Variants in NTNG1 observed in about 807,000 individuals in gnomAD.
NTNG1 encodes the protein netrin G1.
In NTNG1, 16 loss-of-function variants were observed where a neutral mutation model predicts 54.0. The observed-to-expected ratio is 0.30, with a 90% CI of 0.20 to 0.45. The LOEUF is 0.45. Ranked by LOEUF, NTNG1 falls within the 20% of genes least tolerant of loss-of-function variation. The pLI, the probability that NTNG1 is intolerant of heterozygous loss-of-function variation, is 1.00. For missense variants in NTNG1, 530 were observed against 678.7 expected, an observed-to-expected ratio of 0.78 and a Z score of 2.43; for synonymous variants, 255 against 263.1, an observed-to-expected ratio of 0.97 and a Z score of 0.30.
chr1:107,276,768 A>G (rs1054093790), intron 2 of NTNG1, among the ~76,000 whole-genome samples: 1 of 152,130 alleles, frequency 6.6e-6, no homozygotes, highest in Non-Finnish European at 1.5e-5. Context: ...AAGATTATTA[A>G]CAATGATATT....
chr1:107,150,320 C>T (rs955534005), intron 2 of NTNG1, among the ~76,000 whole-genome samples: 2 of 152,110 alleles, frequency 1.3e-5, no homozygotes, highest in Non-Finnish European at 2.9e-5. Flanking sequence ...TAAATCAGTA[C>T]AGGAGCAGAG....
chr1:107,316,865 G>A (rs908415384), intron 2 of NTNG1, among the ~76,000 whole-genome samples: 7 of 152,142 alleles, frequency 4.6e-5, no homozygotes, highest in African/African-American at 1.7e-4. Flanking sequence ...CCAATAAATA[G>A]CTAACGAATT....
At chr1:107,240,729 G>C (rs960199854) in intron 2 of NTNG1, among the ~76,000 whole-genome samples, 10 of 152,186 alleles carry the variant, frequency 6.6e-5, no homozygotes, top group Admixed American at 5.9e-4. Flanking sequence ...GTGAAAAAAG[G>C]TGAACAAACT....
intron 7 of NTNG1, among the ~76,000 whole-genome samples, chr1:107,470,930 C>T (rs1056958111): frequency 5.3e-5 from 8 of 152,078 alleles, no homozygotes; most frequent in East Asian, 1.9e-4. Flanking sequence ...GTTGCAAAGG[C>T]CAAAAATTTT....
chr1:107,431,640 C>G (rs1675274221), intron 6 of NTNG1, among the ~76,000 whole-genome samples: 1 of 152,140 alleles, frequency 6.6e-6, no homozygotes, highest in South Asian at 2.1e-4. Context: ...CTTTCCCACC[C>G]AGAAAATCTC....
At chr1:107,219,431 T>A (rs1660196224) in intron 2 of NTNG1, among the ~76,000 whole-genome samples, 1 of 152,216 alleles carries the variant, frequency 6.6e-6, no homozygotes, top group Admixed American at 6.5e-5. Flanking sequence ...AGAGATTTCG[T>A]CGTGATTTGG....
At chr1:107,187,281 G>GTA (rs1657535269) in intron 2 of NTNG1, among the ~76,000 whole-genome samples, 1 of 151,956 alleles carries the variant, frequency 6.6e-6, no homozygotes, top group Non-Finnish European at 1.5e-5. Flanking sequence ...GCAGTACTTG[G>GTA]CACATAGTAG....
At chr1:107,216,916 A>G (rs992181647) in intron 2 of NTNG1, among the ~76,000 whole-genome samples, 1 of 152,020 alleles carries the variant, frequency 6.6e-6, no homozygotes, top group African/African-American at 2.4e-5. Flanking sequence ...TGACCTCATG[A>G]TCCACCCTCC....
At chr1:107,480,569 T>TGCCCC in intron 7 of NTNG1, 42 bp from the exon 8 acceptor site, 61 of 609,566 alleles carry the variant, frequency 1.0e-4, no homozygotes, top group East Asian at 2.2e-4. Flanking sequence ...CTGCTTCTCC[T>TGCCCC]CCCCGCGCCC....
chr1:107,337,780 A>G (rs1668672941), intron 3 of NTNG1, among the ~76,000 whole-genome samples: 1 of 151,952 alleles, frequency 6.6e-6, no homozygotes. Flanking sequence ...CTTGGTTTTG[A>G]GATGGAGGAA....
In NTNG1 at chr1:107,148,598, A is replaced by G. The variant is rs1253315129; in HGVS notation, c.5A>G (p.Tyr2Cys). The G allele has an allele frequency of 6.2e-7, 1 of 1,613,138 alleles. No individual in the cohort carries two copies. The highest frequency in any genetic ancestry group is 1.3e-5 in the African/African-American group (1 of 74,980). The change falls in exon 2 of 8, where the codon TAT (tyrosine) becomes TGT (cysteine). Residue 2 changes from tyrosine (Y) to cysteine (C), a missense_variant. Around this residue, in one of 2 missense-constraint regions of NTNG1, gnomAD observed 318 missense variants for 465.1 expected, o/e 0.68. Coordinates refer to ENST00000370068, the MANE Select transcript of NTNG1 (RefSeq NM_001113226.3). ...AAGATTACAAAGAATTTAGAGATGT[A>G]TTTGTCAAGATTCCTGTCGATTCAT... M[Y>C]LSRFLSIHAL...
Position 107,300,870 on chromosome 1 carries a change from A to C in NTNG1, c.247-23412A>C, listed in dbSNP as rs146405008. On this transcript the variant is annotated intron_variant, in intron 2 of 7. Coordinates refer to ENST00000370068, the MANE Select transcript of NTNG1 (RefSeq NM_001113226.3). ...AATAATATTCACGAGAATCCAGATT[A>C]TATGTTTAAAATGTATGTCAGCAAA... is the stretch of plus-strand genomic sequence containing the variant. Among the ~76,000 whole-genome samples the C allele has an allele frequency of 2.6e-3, 401 of 151,952 alleles. 2 individuals are homozygous for C. The highest frequency in any genetic ancestry group is 9.1e-3 in the African/African-American group (377 of 41,218).
chr1:107,420,339 C>T (rs575849952), intron 5 of NTNG1, among the ~76,000 whole-genome samples: 2 of 152,000 alleles, frequency 1.3e-5, no homozygotes, highest in African/African-American at 4.8e-5. Context: ...GAAATTTTAG[C>T]GAAAGGTGCA....
intron 3 of NTNG1, among the ~76,000 whole-genome samples, chr1:107,371,219 C>T (rs1244331275): frequency 3.9e-5 from 6 of 151,920 alleles, no homozygotes; most frequent in African/African-American, 1.4e-4. Flanking sequence ...TTGAGCTGAT[C>T]TTGTGGTTTT....
intron 3 of NTNG1, among the ~76,000 whole-genome samples, chr1:107,325,920 A>T (rs1667926011): frequency 2.0e-5 from 3 of 152,132 alleles, no homozygotes; most frequent in Non-Finnish European, 2.9e-5. Flanking sequence ...TCATTATTTA[A>T]TGATAAAATT....
chr1:107,183,543 T>C (rs1267128027), intron 2 of NTNG1, among the ~76,000 whole-genome samples: 2 of 152,140 alleles, frequency 1.3e-5, no homozygotes. Context: ...AGCACTAGTA[T>C]TAAAAATGAG....
intron 2 of NTNG1, among the ~76,000 whole-genome samples, chr1:107,193,163 G>A (rs894160409): frequency 1.3e-5 from 2 of 151,904 alleles, no homozygotes; most frequent in Non-Finnish European, 2.9e-5. Flanking sequence ...TTCTCCCCAG[G>A]TATTCTTCTT....
In NTNG1 at chr1:107,148,713, A is replaced by G. The variant is rs1434828625; in HGVS notation, c.120A>G (p.Glu40=). The change falls in exon 2 of 8, where the codon GAA becomes GAG. Residue 40 remains glutamate (E), a synonymous_variant. Coordinates refer to ENST00000370068, the MANE Select transcript of NTNG1 (RefSeq NM_001113226.3). ...TGTGTAAGACTCAGATTTACACGGA[A>G]GAAGGGAAAGTTTGGGATTACATGG... ...YDLCKTQIYT[E]EGKVWDYMAC... is the part of the protein sequence containing the mutation. The G allele has an allele frequency of 1.2e-6, 2 of 1,613,690 alleles. No homozygotes were observed. Among genetic ancestry groups the G allele is most frequent in the Admixed American group, 1.7e-5 (1 of 59,954 alleles).
At chr1:107,415,361 A>G (rs923251835) in intron 5 of NTNG1, among the ~76,000 whole-genome samples, 1 of 152,178 alleles carries the variant, frequency 6.6e-6, no homozygotes, top group East Asian at 1.9e-4. Flanking sequence ...TCCAAATGGC[A>G]TATGCCTCAT....
Sources: allele counts gnomAD v4.1 joint callset (sites outside exome capture counted in the v4.1 genomes callset), GRCh38; gene constraint gnomAD v4.1.1; regional missense constraint gnomAD v4.1.1; transcripts MANE v1.5; gene names NCBI Gene and HGNC (gene_info 2026-07-23, HGNC 2026-07-21).